PKNOX2: variants seen among roughly 807,000 people sequenced by gnomAD.
PKNOX2 encodes homeobox protein PKNOX2.
In PKNOX2, 14 loss-of-function variants were observed where a neutral mutation model predicts 53.1. That is an observed-to-expected ratio of 0.26 (90% CI 0.17 to 0.41). The LOEUF is 0.41. PKNOX2 is among the 10% of genes least tolerant of loss of function. The pLI is 1.00. For synonymous variants in PKNOX2, 257 were observed against 242.8 expected, an observed-to-expected ratio of 1.06 and a Z score of -0.54; for missense variants, 496 against 602.8, an observed-to-expected ratio of 0.82 and a Z score of 1.85.
intron 2 of PKNOX2, among the ~76,000 whole-genome samples, chr11:125,310,636 G>C (rs1425563274): frequency 1.3e-5 from 2 of 152,016 alleles, no homozygotes; most frequent in Non-Finnish European, 2.9e-5. Context: ...GAAAACTTTT[G>C]CCTCATTTCC....
At chr11:125,414,370 C>T (rs1591564156) in intron 10 of PKNOX2, among the ~76,000 whole-genome samples, 1 of 152,338 alleles carries the variant, frequency 6.6e-6, no homozygotes, top group East Asian at 1.9e-4. Flanking sequence ...AGGTGCCATT[C>T]ATGACGCGCT....
chr11:125,258,915 C>A (rs1240638129), intron 2 of PKNOX2: 1 of 355,446 alleles, frequency 2.8e-6, no homozygotes, highest in Non-Finnish European at 5.7e-6. Flanking sequence ...AGCCTCAGCT[C>A]CAACAGTGAC....
In PKNOX2 at chr11:125,296,869, T is replaced by C. The variant is rs578240627; in HGVS notation, c.-129-34950T>C. Among the ~76,000 whole-genome samples the C allele has an allele frequency of 4.6e-5, 7 of 152,238 alleles. No individual in the cohort carries two copies. The East Asian group carries it at 1.2e-3, about 25-fold the overall frequency. ...CAGGATGGTCTTGATCTCTTGATCA[T>C]GTGATCCACCCACCTCGGCCTCCCA... is the stretch of plus-strand genomic sequence containing the variant. On this transcript the variant is annotated intron_variant, in intron 2 of 12. Coordinates refer to ENST00000298282, the MANE Select transcript of PKNOX2 (RefSeq NM_001382323.2).
rs889039549 is a variant in PKNOX2, at chr11:125,194,812, T to C, written c.-201+30036T>C. Among the ~76,000 whole-genome samples, 16 of 152,322 alleles carry C rather than the reference T, an allele frequency of 1.1e-4. No individual in the cohort carries two copies. In the East Asian group the frequency reaches 2.7e-3, roughly 26 times the overall value. Reference sequence around the variant, plus strand: ...TGCCGTCCATTGAGCACCTACTATATGCCAGGCTGCAGGCAAGGTGCTGTG... The same window carrying C: ...TGCCGTCCATTGAGCACCTACTATACGCCAGGCTGCAGGCAAGGTGCTGTG... On this transcript the variant is annotated intron_variant, in intron 1 of 12. Coordinates refer to ENST00000298282, the MANE Select transcript of PKNOX2 (RefSeq NM_001382323.2).
intron 2 of PKNOX2, among the ~76,000 whole-genome samples, chr11:125,301,698 A>G (rs945054984): frequency 2.7e-4 from 41 of 152,172 alleles, no homozygotes; most frequent in Non-Finnish European, 1.5e-5. Context: ...AATAAAAAAT[A>G]AAAAAGAACA....
chr11:125,219,553 TAAC>T (rs1403214130), intron 1 of PKNOX2, among the ~76,000 whole-genome samples: 3 of 151,904 alleles, frequency 2.0e-5, no homozygotes, highest in East Asian at 1.9e-4. Flanking sequence ...TCCTAAAAAT[TAAC>T]AACAACAAAA....
At chr11:125,335,765 C>T (rs1950405090) in intron 3 of PKNOX2, among the ~76,000 whole-genome samples, 1 of 152,090 alleles carries the variant, frequency 6.6e-6, no homozygotes, top group African/African-American at 2.4e-5. Flanking sequence ...CTGCAGTGAG[C>T]TATGATTGCT....
At chr11:125,359,407 G>A (rs946983144) in intron 4 of PKNOX2, among the ~76,000 whole-genome samples, 1 of 152,014 alleles carries the variant, frequency 6.6e-6, no homozygotes, top group Non-Finnish European at 1.5e-5. Context: ...GTTTTCTGCT[G>A]GGCCTTTCTT....
At chr11:125,319,405 GA>G (rs1215904803) in intron 2 of PKNOX2, among the ~76,000 whole-genome samples, 1 of 152,220 alleles carries the variant, frequency 6.6e-6, no homozygotes, top group Non-Finnish European at 1.5e-5. Flanking sequence ...CCTGCTGTTG[GA>G]AAAATTGTAC....
At chr11:125,242,299 C>T (rs1224376571) in intron 2 of PKNOX2, among the ~76,000 whole-genome samples, 1 of 152,152 alleles carries the variant, frequency 6.6e-6, no homozygotes. Context: ...GGAGCATCTC[C>T]CTGTAGGGAG....
chr11:125,358,371 T>C (rs886460302), intron 4 of PKNOX2, among the ~76,000 whole-genome samples: 9 of 152,144 alleles, frequency 5.9e-5, no homozygotes, highest in Middle Eastern at 3.2e-3. Flanking sequence ...AGGGAAGCGA[T>C]GGGATGGGCA....
In PKNOX2 at chr11:125,201,840, C is replaced by A. The variant is rs970042544; in HGVS notation, c.-200-33205C>A. Among the ~76,000 whole-genome samples the A allele has an allele frequency of 2.0e-5, 3 of 152,288 alleles. No individual in the cohort carries two copies. In the East Asian group the frequency reaches 5.8e-4, roughly 29 times the overall value. ...TTTCTTTCCTGCTGGGTAGGCATTT[C>A]CCCCAAGAGCCCAGTGAGTTTAGCA... On this transcript the variant is annotated intron_variant, in intron 1 of 12. Coordinates refer to ENST00000298282, the MANE Select transcript of PKNOX2 (RefSeq NM_001382323.2).
At chr11:125,261,095 G>A (rs1354870860) in intron 2 of PKNOX2, among the ~76,000 whole-genome samples, 1 of 152,200 alleles carries the variant, frequency 6.6e-6, no homozygotes, top group Non-Finnish European at 1.5e-5. Flanking sequence ...AACTGTAAAT[G>A]CTTGTCATTT....
chr11:125,420,971 C>T (rs910780756), intron 10 of PKNOX2, among the ~76,000 whole-genome samples: 1 of 152,170 alleles, frequency 6.6e-6, no homozygotes, highest in Non-Finnish European at 1.5e-5. Context: ...CCGACTTGAA[C>T]ACAGATCTTT....
chr11:125,355,843 T>A (rs1951578129), intron 4 of PKNOX2, among the ~76,000 whole-genome samples: 1 of 152,124 alleles, frequency 6.6e-6, no homozygotes, highest in Non-Finnish European at 1.5e-5. Context: ...ATACCTCTCA[T>A]TCATGTACTC....
chr11:125,333,946 T>A (rs1203379221), intron 3 of PKNOX2, among the ~76,000 whole-genome samples: 1 of 152,182 alleles, frequency 6.6e-6, no homozygotes, highest in Non-Finnish European at 1.5e-5. Context: ...GATCTCCACG[T>A]GTAAACGACA....
chr11:125,318,811 C>T (rs563212039), intron 2 of PKNOX2, among the ~76,000 whole-genome samples: 1 of 152,194 alleles, frequency 6.6e-6, no homozygotes, highest in East Asian at 1.9e-4. Context: ...GTGAGTTTCC[C>T]CCATGCTGTT....
At chr11:125,315,355 C>T (rs1413561053) in intron 2 of PKNOX2, among the ~76,000 whole-genome samples, 5 of 146,492 alleles carry the variant, frequency 3.4e-5, no homozygotes, top group African/African-American at 7.6e-5. Flanking sequence ...AAAATTGATG[C>T]GTTATTAATC....
intron 4 of PKNOX2, among the ~76,000 whole-genome samples, chr11:125,365,117 A>G (rs1042630887): frequency 4.6e-5 from 7 of 152,084 alleles, no homozygotes; most frequent in African/African-American, 1.7e-4. Flanking sequence ...CCTCCTTCAG[A>G]TATTCAAAGG....
Sources: gnomAD v4.1 joint callset for allele counts (sites outside exome capture counted in the v4.1 genomes callset) on GRCh38, gnomAD v4.1.1 for gene constraint, MANE v1.5 for transcripts, NCBI Gene and HGNC (gene_info 2026-07-23, HGNC 2026-07-21) for gene names.